Variants in PICALM observed in about 807,000 individuals in gnomAD.
The protein encoded by PICALM is phosphatidylinositol binding clathrin assembly protein.
In PICALM, 40 loss-of-function variants were observed where a neutral mutation model predicts 80.5. The observed-to-expected ratio is 0.50, with a 90% CI of 0.39 to 0.65. The LOEUF (loss-of-function observed/expected upper bound fraction) is 0.65, where lower values mean the gene tolerates loss of function less well. Among genes scored for constraint, PICALM ranks in the 30% least tolerant of loss-of-function variants. The pLI, the probability that PICALM is intolerant of heterozygous loss-of-function variation, is 0.00. For missense variants in PICALM, 676 were observed against 778.9 expected, an observed-to-expected ratio of 0.87 and a Z score of 1.57; for synonymous variants, 288 against 260.3, an observed-to-expected ratio of 1.11 and a Z score of -1.02.
chr11:85,976,961 T>C lies in PICALM; in HGVS notation c.1780-279A>G, dbSNP rs760172753. On this transcript the variant is annotated intron_variant, in intron 17 of 19. Coordinates refer to ENST00000393346, the MANE Select transcript of PICALM (RefSeq NM_007166.4). Reference sequence around the variant, plus strand: ...CATGCTTTTTACAGCTTTAAAAATCTTTAGATTTAAAAAAGTATCTTAAAT... The same window carrying C: ...CATGCTTTTTACAGCTTTAAAAATCCTTAGATTTAAAAAAGTATCTTAAAT... The C allele has an allele frequency of 3.8e-5, 9 of 239,880 alleles. No individual in the cohort carries two copies. The South Asian group carries it at 1.0e-3, about 27-fold the overall frequency. The allele number at this position is 239,880 out of a possible 1,614,324, so 14.9% of individuals were successfully genotyped here.
At position 86,068,979 on chromosome 11, in the gene PICALM, C is replaced by G; in HGVS notation, c.-199G>C. ...GGCTCGTGTCACCCGCGGAGTCGGA[C>G]AAGATGTCGGGCACTCCCTTGCCCC... On this transcript the variant is annotated 5_prime_UTR_variant, in exon 1 of 20. Transcript: ENST00000393346. The G allele has an allele frequency of 3.1e-6, 2 of 642,270 alleles. No individual in the cohort carries two copies. The highest frequency in any genetic ancestry group is 5.2e-6 in the Non-Finnish European group (2 of 387,902). 39.8% of individuals were successfully genotyped at this position (642,270 alleles called of 1,614,324 possible).
At chr11:86,068,629 G>A (rs1390735258) in intron 1 of PICALM, 22 bp downstream of exon 1, 1 of 1,597,582 alleles carries the variant, frequency 6.3e-7, no homozygotes, top group Non-Finnish European at 8.5e-7. Context: ...GGGGAGCGGG[G>A]GCCGCGGTCG....
At chr11:86,005,300 A>C (rs927874169) in intron 8 of PICALM, among the ~76,000 whole-genome samples, 29 of 152,232 alleles carry the variant, frequency 1.9e-4, no homozygotes, top group Non-Finnish European at 4.0e-4. Flanking sequence ...GCTGTGGCTT[A>C]CAAATAAAAA....
chr11:85,961,987 G>A (rs2093704722), intron 19 of PICALM, among the ~76,000 whole-genome samples: 1 of 151,950 alleles, frequency 6.6e-6, no homozygotes, highest in Admixed American at 6.6e-5. Context: ...TCAATTTATA[G>A]GCATCAGTTA....
chr11:85,996,612 T>C (rs909992430), intron 12 of PICALM, among the ~76,000 whole-genome samples: 1 of 152,190 alleles, frequency 6.6e-6, no homozygotes, highest in African/African-American at 2.4e-5. Flanking sequence ...TTTATCTTTA[T>C]TAAATGTCAT....
In PICALM at chr11:86,057,507, C is replaced by T. The variant is rs1028277881; in HGVS notation, c.130+11144G>A. Among the ~76,000 whole-genome samples, 6 of 152,190 alleles carry T rather than the reference C, an allele frequency of 3.9e-5. 1 individual carries two copies. Among genetic ancestry groups the T allele is most frequent in the South Asian group, 2.1e-4 (1 of 4,828 alleles). ...GAGCTGAGATCGTGCCATTGCACTC[C>T]AGCCTGGGCAACAGAGTAAGACTCC... On this transcript the variant is annotated intron_variant, in intron 1 of 19. Coordinates refer to ENST00000393346, the MANE Select transcript of PICALM (RefSeq NM_007166.4).
intron 1 of PICALM, among the ~76,000 whole-genome samples, chr11:86,061,979 C>T (rs573658618): frequency 8.6e-5 from 13 of 151,296 alleles, no homozygotes; most frequent in Admixed American, 5.9e-4. Context: ...AAATCGTAAA[C>T]GCATATTAGT....
intron 8 of PICALM, among the ~76,000 whole-genome samples, chr11:86,004,021 T>C (rs955007165): frequency 6.6e-6 from 1 of 152,184 alleles, no homozygotes; most frequent in Non-Finnish European, 1.5e-5. Flanking sequence ...ACCTTGAAAA[T>C]GGATTAGGTT....
At chr11:86,050,854 A>G (rs930625584) in intron 1 of PICALM, among the ~76,000 whole-genome samples, 3 of 152,018 alleles carry the variant, frequency 2.0e-5, no homozygotes, top group African/African-American at 7.2e-5. Context: ...AAAATTATTT[A>G]TTGTTATTAT....
Position 85,981,930 on chromosome 11 carries a change from G to T in PICALM, c.1590C>A (p.Leu530=). 1.2e-6 allele frequency: 2 copies of T among 1,613,438 alleles called. No homozygotes were observed. The highest frequency in any genetic ancestry group is 1.7e-6 in the Non-Finnish European group (2 of 1,179,320). Residue 530 remains leucine (L), a synonymous_variant, in exon 15 of 20, where the codon CTC becomes CTA. Coordinates refer to ENST00000393346, the MANE Select transcript of PICALM (RefSeq NM_007166.4). ...CATCAGATACTAACTTGCTAGGTGG[G>T]AGTTTGGCAACAGGAAGGTTCTGGT... The part of the protein sequence containing the change: ...SQNQNLPVAK[L]PPSKLVSDDL...
In PICALM at chr11:85,996,806, T is replaced by C. The variant is rs1460907626; in HGVS notation, c.1258+20A>G. On this transcript the variant is annotated intron_variant, in intron 12 of 19. Transcript: ENST00000393346. ...GGAGAGATGCATGTAACATCTAAAATAGAATTCATCAATGCTTACCTCCCC... is the reference window on the plus strand; with the variant it reads ...GGAGAGATGCATGTAACATCTAAAACAGAATTCATCAATGCTTACCTCCCC... 2.2e-6 allele frequency: 3 copies of C among 1,369,622 alleles called. No homozygotes were observed. The highest frequency in any genetic ancestry group is 3.1e-6 in the Non-Finnish European group (3 of 958,376). The allele number at this position is 1,369,622 out of a possible 1,614,324, so 84.8% of individuals were successfully genotyped here. A position where few individuals can be genotyped will look rare whatever the true frequency, so the allele number is the denominator to read the frequency against.
At chr11:86,022,645 A>C (rs777592855) in intron 3 of PICALM, among the ~76,000 whole-genome samples, 176 bp from the exon 4 acceptor site, 1 of 152,160 alleles carries the variant, frequency 6.6e-6, no homozygotes, top group Non-Finnish European at 1.5e-5. Context: ...CATTACCATT[A>C]AATTCTCTTA....
At chr11:85,977,939 G>A in intron 17 of PICALM, 1 of 742,152 alleles carries the variant, frequency 1.3e-6, no homozygotes. Context: ...GTAGATGCTA[G>A]GAAGAATTTC....
intron 5 of PICALM, 112 bp downstream of exon 5, chr11:86,014,758 T>C (rs943119866): frequency 5.3e-6 from 3 of 564,750 alleles, no homozygotes; most frequent in Admixed American, 3.8e-5. Flanking sequence ...CTTAGCCATA[T>C]AGGATATCAG....
At chr11:86,032,361 CCT>C (rs1323514231) in intron 1 of PICALM, among the ~76,000 whole-genome samples, 2 of 152,162 alleles carry the variant, frequency 1.3e-5, no homozygotes, top group African/African-American at 2.4e-5. Flanking sequence ...GTGGCTCACC[CCT>C]GTAATCCCAG....
intron 4 of PICALM, among the ~76,000 whole-genome samples, chr11:86,021,662 T>C (rs750586753): frequency 2.0e-5 from 3 of 152,124 alleles, no homozygotes; most frequent in South Asian, 4.1e-4. Context: ...AGTTACCATA[T>C]GACACAGCAA....
At chr11:85,975,198 T>G (rs1257362873) in intron 18 of PICALM, among the ~76,000 whole-genome samples, 1 of 152,198 alleles carries the variant, frequency 6.6e-6, no homozygotes, top group Admixed American at 6.5e-5. Flanking sequence ...AGTAAATTTG[T>G]ATAACAAATC....
At chr11:85,980,002 T>C (rs1372048922) in intron 17 of PICALM, among the ~76,000 whole-genome samples, 1 of 152,220 alleles carries the variant, frequency 6.6e-6, no homozygotes, top group Non-Finnish European at 1.5e-5. Flanking sequence ...CATTACTAGA[T>C]GCTAATTATT....
intron 9 of PICALM, among the ~76,000 whole-genome samples, chr11:86,003,151 C>T (rs1253631185): frequency 6.6e-6 from 1 of 152,166 alleles, no homozygotes; most frequent in Admixed American, 6.5e-5. Context: ...CAGATGCTGA[C>T]ATTTATTGAA....
Sources: gnomAD v4.1 joint callset for allele counts (sites outside exome capture counted in the v4.1 genomes callset) on GRCh38, gnomAD v4.1.1 for gene constraint, MANE v1.5 for transcripts, NCBI Gene and HGNC (gene_info 2026-07-23, HGNC 2026-07-21) for gene names.